Variants in SEM1 observed in about 807,000 individuals in gnomAD.
SEM1 encodes the protein 26S proteasome complex subunit SEM1.
Under a neutral mutation model 12.7 loss-of-function variants are expected in SEM1, and 3 were observed. The observed-to-expected ratio is 0.24, with a 90% CI of 0.11 to 0.61. SEM1 has a LOEUF of 0.61. Ranked by LOEUF, SEM1 falls within the 20% of genes least tolerant of loss-of-function variation. The pLI, the probability that SEM1 is intolerant of heterozygous loss-of-function variation, is 0.88. For missense variants in SEM1, 59 were observed against 81.3 expected, an observed-to-expected ratio of 0.73 and a Z score of 1.06; for synonymous variants, 30 against 27.8, an observed-to-expected ratio of 1.08 and a Z score of -0.25.
chr7:96,647,471 G>A (rs1808834458), intron 2 of SEM1: 1 of 152,172 alleles, frequency 6.6e-6, no homozygotes, highest in South Asian at 2.1e-4. Flanking sequence ...CTACTTGAAA[G>A]GATGCTAGCG....
chr7:96,522,734 A>C (rs577544050), intron 2 of SEM1, among the ~76,000 whole-genome samples: 2,401 of 134,976 alleles, frequency 0.018, 75 homozygotes, highest in African/African-American at 0.074. Context: ...CCCCCCCCCA[A>C]AAAAAAATTA....
intron 2 of SEM1, among the ~76,000 whole-genome samples, chr7:96,654,912 T>G (rs1269493332): frequency 5.9e-5 from 9 of 152,294 alleles, no homozygotes; most frequent in African/African-American, 2.2e-4. Flanking sequence ...TCGCAAGCTC[T>G]CTGCAGCACT....
At chr7:96,684,269 T>TCC (rs1789698923), downstream of SEM1, among the ~76,000 whole-genome samples, 1 of 152,246 alleles carries the variant, frequency 6.6e-6, no homozygotes, top group Middle Eastern at 3.4e-3. Context: ...TGCCAGATGC[T>TCC]TCTAGCCCCA....
At chr7:96,615,423 T>C (rs953344461) in intron 2 of SEM1, among the ~76,000 whole-genome samples, 1 of 151,798 alleles carries the variant, frequency 6.6e-6, no homozygotes, top group Admixed American at 6.6e-5. Flanking sequence ...CCTGGCTAAT[T>C]TTTGTATTTT....
intron 2 of SEM1, among the ~76,000 whole-genome samples, chr7:96,507,743 G>A (rs1330684305): frequency 1.3e-5 from 2 of 152,030 alleles, no homozygotes; most frequent in East Asian, 1.9e-4. Context: ...AATCAACCTG[G>A]GCATCTCTTT....
At chr7:96,488,304 A>G (rs1388995839) in intron 1 of SEM1, among the ~76,000 whole-genome samples, 2 of 152,178 alleles carry the variant, frequency 1.3e-5, no homozygotes, top group Non-Finnish European at 2.9e-5. Flanking sequence ...GACTTCAAAG[A>G]CAAACTTAGT....
At chr7:96,519,425 G>C (rs1804199590) in intron 2 of SEM1, among the ~76,000 whole-genome samples, 1 of 152,102 alleles carries the variant, frequency 6.6e-6, no homozygotes, top group South Asian at 2.1e-4. Flanking sequence ...AAATTACACA[G>C]TATTTTAGGA....
chr7:96,604,458 A>G (rs1228918548), intron 2 of SEM1, among the ~76,000 whole-genome samples: 4 of 152,160 alleles, frequency 2.6e-5, no homozygotes, highest in Admixed American at 6.5e-5. Flanking sequence ...TCATGAATTT[A>G]GCAGTCATGC....
chr7:96,679,831 G>GT lies in SEM1; in HGVS notation c.171-5973dup, dbSNP rs368495553. Among the ~76,000 whole-genome samples the GT allele has an allele frequency of 8.6e-3, 1,302 of 152,162 alleles. 18 individuals are homozygous for GT. The highest frequency in any genetic ancestry group is 0.03 in the African/African-American group (1,228 of 41,540). On this transcript the variant is annotated intron_variant, in intron 2 of 2. Coordinates refer to the SEM1 transcript ENST00000413065. The stretch of plus-strand genomic sequence containing the variant: ...ATTCTTCTGATCTCTTGATTCAATG[G>GT]TTTTAAGATTCACTTTATAGCAAAT...
chr7:96,595,660 G>A (rs1229164488), intron 2 of SEM1, among the ~76,000 whole-genome samples: 3 of 151,772 alleles, frequency 2.0e-5, no homozygotes, highest in South Asian at 2.1e-4. Context: ...TCGATTTTTA[G>A]ATTTTTTTTT....
At chr7:96,545,614 A>G (rs1405835598) in intron 2 of SEM1, among the ~76,000 whole-genome samples, 2 of 152,104 alleles carry the variant, frequency 1.3e-5, no homozygotes, top group African/African-American at 4.8e-5. Flanking sequence ...TTTATTCCTT[A>G]GTGTTTTATA....
At chr7:96,580,335 T>A (rs1423915526) in intron 2 of SEM1, among the ~76,000 whole-genome samples, 3 of 147,754 alleles carry the variant, frequency 2.0e-5, no homozygotes, top group Non-Finnish European at 4.5e-5. Flanking sequence ...TTCCATGGTG[T>A]ATATGTGCCA....
chr7:96,574,527 G>T (rs1186756128), intron 2 of SEM1, among the ~76,000 whole-genome samples: 3 of 152,132 alleles, frequency 2.0e-5, no homozygotes, highest in African/African-American at 7.2e-5. Flanking sequence ...TTCCACAATG[G>T]TTGAACTAGT....
exon 3 of SEM1, chr7:96,506,681 G>A (rs997073931): frequency 1.3e-5 from 2 of 151,930 alleles, no homozygotes; most frequent in South Asian, 4.1e-4. Context: ...GTCAAACAGA[G>A]CCTACCCATT....
chr7:96,642,458 T>C (rs1808645354), intron 2 of SEM1, among the ~76,000 whole-genome samples: 1 of 152,052 alleles, frequency 6.6e-6, no homozygotes, highest in Admixed American at 6.6e-5. Context: ...GTAGCGTTTA[T>C]CTTGGTTTGA....
At chr7:96,655,797 T>C (rs2116483260) in intron 2 of SEM1, among the ~76,000 whole-genome samples, 1 of 152,336 alleles carries the variant, frequency 6.6e-6, no homozygotes, top group African/African-American at 2.4e-5. Context: ...AGTTATGTCT[T>C]TTCCATTTTG....
chr7:96,495,193 A>G (rs1024680582), intron 1 of SEM1, among the ~76,000 whole-genome samples: 1 of 152,226 alleles, frequency 6.6e-6, no homozygotes, highest in African/African-American at 2.4e-5. Context: ...GGTTATGGAT[A>G]ATGAATAAAT....
intron 1 of SEM1, among the ~76,000 whole-genome samples, chr7:96,703,729 T>C (rs1479539850): frequency 6.6e-6 from 1 of 152,056 alleles, no homozygotes; most frequent in East Asian, 1.9e-4. Context: ...GGAAGACTGC[T>C]GAGGCCATTA....
downstream of SEM1, chr7:96,672,818 A>G (rs1480047727): frequency 6.6e-6 from 1 of 152,208 alleles, no homozygotes. Flanking sequence ...CCTGGCCAAC[A>G]CAAAGAAAAC....
Sources: allele counts gnomAD v4.1 joint callset (sites outside exome capture counted in the v4.1 genomes callset), GRCh38; gene constraint gnomAD v4.1.1; transcripts MANE v1.5; gene names NCBI Gene and HGNC (gene_info 2026-07-23, HGNC 2026-07-21).